The following TCERG1L variants were observed in gnomAD, a reference collection of about 807,000 sequenced individuals.
TCERG1L encodes the protein transcription elongation regulator 1-like protein.
In TCERG1L, 37 loss-of-function variants were observed where a neutral mutation model predicts 56.3. The observed-to-expected ratio is 0.66, with a 90% CI of 0.51 to 0.87. The LOEUF is 0.87. TCERG1L is among the 40% of genes least tolerant of loss of function. TCERG1L has a pLI of 0.00. For missense variants in TCERG1L, 799 were observed against 774.2 expected, an observed-to-expected ratio of 1.03 and a Z score of -0.38; for synonymous variants, 324 against 326.3, an observed-to-expected ratio of 0.99 and a Z score of 0.08.
chr10:131,210,650 G>A (rs1024992119), intron 4 of TCERG1L, among the ~76,000 whole-genome samples: 2 of 152,008 alleles, frequency 1.3e-5, no homozygotes, highest in Non-Finnish European at 2.9e-5. Flanking sequence ...GAGCTGTCCC[G>A]CAGGCCCGCC....
intron 4 of TCERG1L, among the ~76,000 whole-genome samples, chr10:131,244,644 C>T (rs1846012736): frequency 6.6e-6 from 1 of 152,144 alleles, no homozygotes; most frequent in African/African-American, 2.4e-5. Flanking sequence ...CTCAGTAACG[C>T]CCAGGGTGCC....
At chr10:131,212,670 C>G (rs545361071) in intron 4 of TCERG1L, among the ~76,000 whole-genome samples, 1 of 152,204 alleles carries the variant, frequency 6.6e-6, no homozygotes, top group East Asian at 1.9e-4. Context: ...GTCTACAGTT[C>G]CAAAATTCTC....
chr10:131,209,519 A>G (rs1845592855), intron 4 of TCERG1L, among the ~76,000 whole-genome samples: 1 of 152,260 alleles, frequency 6.6e-6, no homozygotes, highest in Non-Finnish European at 1.5e-5. Flanking sequence ...TGCACGCAGC[A>G]TGACTAGTAA....
At chr10:131,214,296 C>A (rs745974279) in intron 4 of TCERG1L, among the ~76,000 whole-genome samples, 3 of 151,936 alleles carry the variant, frequency 2.0e-5, no homozygotes, top group African/African-American at 4.8e-5. Context: ...CCCCATGGGA[C>A]CCCCAGGGAG....
At chr10:131,135,799 T>G (rs893164620) in intron 7 of TCERG1L, among the ~76,000 whole-genome samples, 19 of 152,236 alleles carry the variant, frequency 1.2e-4, no homozygotes, top group African/African-American at 4.6e-4. Flanking sequence ...ACACCCTGTG[T>G]GGGTGCTCCA....
At chr10:131,121,418 C>T (rs1277840515) in intron 8 of TCERG1L, among the ~76,000 whole-genome samples, 1 of 152,170 alleles carries the variant, frequency 6.6e-6, no homozygotes, top group Non-Finnish European at 1.5e-5. Flanking sequence ...CTCGCAATAC[C>T]GCAATTCTAT....
chr10:131,166,640 G>A (rs971087965), intron 5 of TCERG1L, among the ~76,000 whole-genome samples, 157 bp downstream of exon 5: 5 of 152,214 alleles, frequency 3.3e-5, no homozygotes, highest in African/African-American at 7.2e-5. Context: ...TCTAGGCCCC[G>A]CCTGGCCCCT....
At chr10:131,209,668 T>C (rs1426252886) in intron 4 of TCERG1L, among the ~76,000 whole-genome samples, 1 of 152,194 alleles carries the variant, frequency 6.6e-6, no homozygotes, top group Non-Finnish European at 1.5e-5. Flanking sequence ...GGAAACTGAA[T>C]GGTCTCATTT....
At position 131,098,342 on chromosome 10, in the gene TCERG1L, A is replaced by G; in HGVS notation, c.1568T>C (p.Phe523Ser). 6.4e-7 allele frequency: 1 copy of G among 1,553,266 alleles called. No homozygotes were observed. Among genetic ancestry groups the G allele is most frequent in the Non-Finnish European group, 8.7e-7 (1 of 1,147,576 alleles). Residue 523 changes from phenylalanine (F) to serine (S), a missense_variant, in exon 11 of 12, where the codon TTC becomes TCC. Coordinates refer to ENST00000368642, the MANE Select transcript of TCERG1L (RefSeq NM_174937.4). Reference sequence around the variant, plus strand: ...TTTAGATTCCTCTAGAAGTTTCTTGAATTCTTCTTTGGCTAGCAGCAATTT... The same window carrying G: ...TTTAGATTCCTCTAGAAGTTTCTTGGATTCTTCTTTGGCTAGCAGCAATTT... ...KSKLLLAKEE[F>S]KKLLEESKVS... is the part of the protein sequence containing the mutation.
intron 6 of TCERG1L, among the ~76,000 whole-genome samples, chr10:131,154,258 A>G (rs1845895732): frequency 1.3e-5 from 2 of 152,142 alleles, no homozygotes; most frequent in South Asian, 4.1e-4. Context: ...TCATTGAATG[A>G]ACACTGGGGT....
intron 4 of TCERG1L, among the ~76,000 whole-genome samples, chr10:131,175,419 A>G (rs1199155112): frequency 2.0e-5 from 3 of 152,030 alleles, no homozygotes; most frequent in Non-Finnish European, 4.4e-5. Context: ...CCTCCAAGAG[A>G]GCTATTCCCA....
intron 3 of TCERG1L, among the ~76,000 whole-genome samples, chr10:131,304,447 GGAA>G (rs1846798855): frequency 6.6e-6 from 1 of 151,914 alleles, no homozygotes; most frequent in South Asian, 2.1e-4. Context: ...CTTCTTCCTG[GGAA>G]GAAGAGGGAC....
At chr10:131,249,527 A>G (rs1355078318) in intron 4 of TCERG1L, among the ~76,000 whole-genome samples, 2 of 152,252 alleles carry the variant, frequency 1.3e-5, no homozygotes, top group African/African-American at 4.8e-5. Context: ...GGCCCTCTCC[A>G]GCCATGGCAA....
chr10:131,146,711 G>T (rs1845799640), intron 6 of TCERG1L, 51 bp from the exon 7 acceptor site: 9 of 1,555,658 alleles, frequency 5.8e-6, no homozygotes, highest in Admixed American at 1.9e-5. Flanking sequence ...CACTTAATTA[G>T]AAAGTCGTTA....
chr10:131,148,953 A>T (rs1845833837), intron 6 of TCERG1L, among the ~76,000 whole-genome samples: 1 of 152,180 alleles, frequency 6.6e-6, no homozygotes, highest in Non-Finnish European at 1.5e-5. Context: ...CTGAACCCCA[A>T]GTGTTGTGCC....
At chr10:131,297,529 C>T (rs1235191269) in intron 3 of TCERG1L, among the ~76,000 whole-genome samples, 1 of 152,108 alleles carries the variant, frequency 6.6e-6, no homozygotes, top group East Asian at 1.9e-4. Context: ...TATTGGTCTG[C>T]TATTTTCTCT....
rs1468194283 is a variant in TCERG1L at position 131,111,253 on chromosome 10, C to T, written c.1395+5546G>A. Among the ~76,000 whole-genome samples the T allele has an allele frequency of 1.4e-5, 2 of 142,494 alleles. 1 individual carries two copies. Among genetic ancestry groups the T allele is most frequent in the Non-Finnish European group, 3.2e-5 (2 of 63,366 alleles). 93.5% of individuals were successfully genotyped at this position (142,494 alleles called of 152,430 possible). A position where few individuals can be genotyped will look rare whatever the true frequency, so the allele number is the denominator to read the frequency against. ...GCAGAAACGTGTGTCTGTCTGTCTG[C>T]ACCGTCCGCCCCCACCCACCCTCAT... On this transcript the variant is annotated intron_variant, in intron 9 of 11. Transcript: ENST00000368642.
chr10:131,287,635 C>G (rs1322523746), intron 3 of TCERG1L, among the ~76,000 whole-genome samples: 3 of 152,176 alleles, frequency 2.0e-5, no homozygotes, highest in Non-Finnish European at 4.4e-5. Context: ...CACTAGATTA[C>G]TTCCAAGCCA....
intron 6 of TCERG1L, among the ~76,000 whole-genome samples, chr10:131,147,333 A>T (rs1845807180): frequency 6.6e-6 from 1 of 152,222 alleles, no homozygotes; most frequent in African/African-American, 2.4e-5. Flanking sequence ...AAATGAAGAG[A>T]AGAAAATTAA....
Sources: allele counts gnomAD v4.1 joint callset (sites outside exome capture counted in the v4.1 genomes callset), GRCh38; gene constraint gnomAD v4.1.1; transcripts MANE v1.5; gene names NCBI Gene and HGNC (gene_info 2026-07-23, HGNC 2026-07-21).